Variants in ADGRF5 observed in about 807,000 individuals in gnomAD.
ADGRF5 encodes G-protein coupled receptor 116.
ADGRF5 carries 75 observed loss-of-function variants against 132.3 expected under a neutral mutation model. The observed-to-expected ratio is 0.57, with a 90% CI of 0.47 to 0.69. The LOEUF (loss-of-function observed/expected upper bound fraction) is 0.69. Ranked by LOEUF, ADGRF5 falls within the 30% of genes least tolerant of loss-of-function variation. ADGRF5 has a pLI of 0.00. For synonymous variants in ADGRF5, 629 were observed against 597.6 expected (o/e 1.05, Z -0.77); for missense variants, 1,516 against 1,630.6 (o/e 0.93, Z 1.21).
intron 1 of ADGRF5, among the ~76,000 whole-genome samples, chr6:46,941,461 GAAAAGAAAGAAAAGAAAAGAAAAGA>G (rs1778081100): frequency 2.3e-5 from 1 of 44,046 alleles, no homozygotes; most frequent in African/African-American, 6.3e-5. Context: ...GAAAAGAAAA[GAAAAGAAAGAAAAGAAAAGAAAAGA>G]AAGAAAAGAA....
intron 4 of ADGRF5, among the ~76,000 whole-genome samples, chr6:46,885,687 T>G (rs1773000956): frequency 6.6e-6 from 1 of 152,140 alleles, no homozygotes; most frequent in African/African-American, 2.4e-5. Flanking sequence ...TCTCCCAGAG[T>G]GAGCAAAAAG....
intron 1 of ADGRF5, among the ~76,000 whole-genome samples, chr6:46,913,273 G>A (rs1464469955): frequency 2.6e-5 from 4 of 152,052 alleles, no homozygotes; most frequent in African/African-American, 9.7e-5. Flanking sequence ...CAAGGGGGGC[G>A]GATCACCAGA....
intron 3 of ADGRF5, among the ~76,000 whole-genome samples, chr6:46,898,880 C>A (rs1386246137): frequency 1.3e-5 from 2 of 152,188 alleles, no homozygotes; most frequent in Non-Finnish European, 2.9e-5. Flanking sequence ...CAGACGTTTT[C>A]CGATAGGAAT....
At chr6:46,875,071 T>C (rs1771494825) in intron 10 of ADGRF5, among the ~76,000 whole-genome samples, 1 of 152,190 alleles carries the variant, frequency 6.6e-6, no homozygotes, top group Non-Finnish European at 1.5e-5. Context: ...ATTCTACTGT[T>C]AACCCAGAAA....
At chr6:46,920,472 C>T (rs1048868624) in intron 1 of ADGRF5, among the ~76,000 whole-genome samples, 6 of 128,596 alleles carry the variant, frequency 4.7e-5, no homozygotes, top group African/African-American at 1.8e-4. Flanking sequence ...CTCAGAAGAA[C>T]AGAAAATAAA....
chr6:46,886,217 C>A (rs893221449), intron 4 of ADGRF5, among the ~76,000 whole-genome samples: 3 of 152,184 alleles, frequency 2.0e-5, no homozygotes, highest in Non-Finnish European at 4.4e-5. Flanking sequence ...ATAGTTGTTT[C>A]TGAAATAGGA....
chr6:46,854,225 A>T (rs1378267121), intron 20 of ADGRF5, among the ~76,000 whole-genome samples, 154 bp from the exon 21 acceptor site: 1 of 152,148 alleles, frequency 6.6e-6, no homozygotes, highest in African/African-American at 2.4e-5. Context: ...TCCTCCCAAG[A>T]CCCAGAAATG....
At position 46,884,176 on chromosome 6, in the gene ADGRF5, G is replaced by T; in HGVS notation, c.424C>A (p.Arg142Ser). Residue 142 changes from arginine (R) to serine (S), a missense_variant, in exon 5 of 21, where the codon CGT becomes AGT. Physicochemically the swap from Arg to Ser is moderately radical, Grantham distance 110. This residue lies in a region of ADGRF5 where 945 missense variants were observed against 929.4 expected (regional missense o/e 1.02). Transcript: ENST00000283296. Reference protein sequence around the residue: ...RCLHNLICQERDVFLPGHHCS... With the variant: ...RCLHNLICQESDVFLPGHHCS... ...TGGTGCCCTGGGAGGAAGACGTCAC[G>T]CTCTTGACAAATGAGATTGTGAAGA... 2.5e-6 allele frequency: 4 copies of T among 1,613,810 alleles called. No homozygotes were observed. The highest frequency in any genetic ancestry group is 1.7e-5 in the Admixed American group (1 of 60,006).
At chr6:46,912,599 G>T (rs1483539478) in intron 1 of ADGRF5, among the ~76,000 whole-genome samples, 1 of 151,952 alleles carries the variant, frequency 6.6e-6, no homozygotes, top group Non-Finnish European at 1.5e-5. Context: ...AGAGAAGGAG[G>T]CCTAGGAACA....
intron 2 of ADGRF5, 57 bp from the exon 3 acceptor site, chr6:46,900,140 G>C: frequency 7.8e-7 from 1 of 1,283,472 alleles, no homozygotes; most frequent in East Asian, 2.3e-5. Context: ...TTTTCACTGT[G>C]GCTCCCCGCT....
At chr6:46,869,303 G>A in intron 11 of ADGRF5, 2 of 1,406,922 alleles carry the variant, frequency 1.4e-6, no homozygotes, top group Non-Finnish European at 1.8e-6. Context: ...GCTCTGCACT[G>A]TACTCATTTC....
intron 14 of ADGRF5, among the ~76,000 whole-genome samples, chr6:46,864,636 C>T (rs1460928043): frequency 2.0e-5 from 3 of 151,738 alleles, no homozygotes; most frequent in South Asian, 2.1e-4. Context: ...GCGATTCTTC[C>T]GCCTCAGCCT....
At chr6:46,950,117 A>T (rs77348127) in intron 1 of ADGRF5, among the ~76,000 whole-genome samples, 1 of 152,272 alleles carries the variant, frequency 6.6e-6, no homozygotes, top group East Asian at 1.9e-4. Flanking sequence ...CTTTGAGGTC[A>T]TCACCCGGAC....
At chr6:46,871,751 C>T in intron 11 of ADGRF5, 92 bp downstream of exon 11, 1 of 846,338 alleles carries the variant, frequency 1.2e-6, no homozygotes, top group South Asian at 2.3e-5. Flanking sequence ...CATTATTTTG[C>T]TCATAGATAT....
intron 3 of ADGRF5, among the ~76,000 whole-genome samples, chr6:46,889,977 CA>C (rs1242368683): frequency 6.6e-6 from 1 of 152,008 alleles, no homozygotes; most frequent in Non-Finnish European, 1.5e-5. Flanking sequence ...AACTCTCTGT[CA>C]CTGACCAGAT....
rs371604634 is a variant in ADGRF5, at chr6:46,865,145, G to A, written c.1887C>T (p.Ser629=). Residue 629 remains serine, a synonymous_variant, in exon 14 of 21, where the codon AGC becomes AGT. Transcript: ENST00000283296. ...CAGTTTTTGAACACCAGGAAACTGA[G>A]CTTGCATTGAAATTGTGTTTGTAGC... is the stretch of plus-strand genomic sequence containing the variant. The part of the protein sequence containing the change: ...QVCYKHNFNA[S]SVSWCSKTVD... The A allele has an allele frequency of 1.5e-5, 24 of 1,611,600 alleles. No individual in the cohort carries two copies. The highest frequency in any genetic ancestry group is 1.2e-4 in the African/African-American group (9 of 75,022).
chr6:46,889,283 T>C lies in ADGRF5; in HGVS notation c.158-778A>G, dbSNP rs371804035. ...TATATAGACTACTATATATACTATA[T>C]AGTATATATAGTACAGTATATATAG... is the stretch of plus-strand genomic sequence containing the variant. On this transcript the variant is annotated intron_variant, in intron 3 of 20. Coordinates refer to ENST00000283296, the MANE Select transcript of ADGRF5 (RefSeq NM_001098518.2). Among the ~76,000 whole-genome samples the C allele has an allele frequency of 8.9e-5, 13 of 145,416 alleles. No individual in the cohort carries two copies. The East Asian group carries it at 1.4e-3, about 15-fold the overall frequency.
intron 1 of ADGRF5, among the ~76,000 whole-genome samples, chr6:46,919,852 G>A (rs1488868669): frequency 6.6e-6 from 1 of 152,190 alleles, no homozygotes; most frequent in Non-Finnish European, 1.5e-5. Context: ...TTATTCTTGG[G>A]TTTGATACTG....
In ADGRF5 at chr6:46,875,820, A is replaced by T. The variant is rs2894727; in HGVS notation, c.1240+2382T>A. Among the ~76,000 whole-genome samples, 3 of 152,206 alleles carry T rather than the reference A, an allele frequency of 2.0e-5. No homozygotes were observed. The South Asian group carries it at 6.2e-4, about 32-fold the overall frequency. On this transcript the variant is annotated intron_variant, in intron 10 of 20. Coordinates refer to ENST00000283296, the MANE Select transcript of ADGRF5 (RefSeq NM_001098518.2). Reference sequence around the variant, plus strand: ...ACAAAAAACAAAATGAAACAAAAAAACCAGAGTTGAATACATTGAATCTAC... The same window carrying T: ...ACAAAAAACAAAATGAAACAAAAAATCCAGAGTTGAATACATTGAATCTAC...
Sources: allele counts gnomAD v4.1 joint callset (sites outside exome capture counted in the v4.1 genomes callset), GRCh38; gene constraint gnomAD v4.1.1; regional missense constraint gnomAD v4.1.1; transcripts MANE v1.5; gene names NCBI Gene and HGNC (gene_info 2026-07-23, HGNC 2026-07-21).